CACNB2: variants seen among roughly 807,000 people sequenced by gnomAD.
The protein encoded by CACNB2 is calcium voltage-gated channel auxiliary subunit beta 2.
CACNB2 carries 42 observed loss-of-function variants against 73.3 expected under a neutral mutation model. The observed-to-expected ratio is 0.57, with a 90% CI of 0.45 to 0.74. The LOEUF (loss-of-function observed/expected upper bound fraction) is 0.74. Ranked by LOEUF, CACNB2 falls within the 30% of genes least tolerant of loss-of-function variation. The pLI, the probability that CACNB2 is intolerant of heterozygous loss-of-function variation, is 0.00. For missense variants in CACNB2, 940 were observed against 853.0 expected (o/e 1.10, Z -1.27); for synonymous variants, 348 against 310.3 (o/e 1.12, Z -1.28).
At chr10:18,353,048 T>C (rs778628804) in intron 2 of CACNB2, among the ~76,000 whole-genome samples, 10 of 152,240 alleles carry the variant, frequency 6.6e-5, no homozygotes, top group Non-Finnish European at 1.3e-4. Context: ...TAGAGAAATA[T>C]GATTGCTATA....
Position 18,442,975 on chromosome 10 carries a change from T to TATAC in CACNB2, c.333+40935_333+40936insCATA, listed in dbSNP as rs2046523340. The stretch of plus-strand genomic sequence containing the variant: ...ATATATATGTATATATATATGTGTA[T>TATAC]ATATATATATGTATATATATATGTG... On this transcript the variant is annotated intron_variant, in intron 3 of 13. Transcript: ENST00000324631. 5.4e-4 allele frequency among the ~76,000 whole-genome samples: 12 copies of TATAC among 22,204 alleles called. 2 individuals carry two copies. In the East Asian group the frequency reaches 0.032, roughly 60 times the overall value. The allele number at this position is 22,204 out of a possible 152,430, so 14.6% of individuals were successfully genotyped here.
intron 5 of CACNB2, among the ~76,000 whole-genome samples, chr10:18,505,864 T>G (rs2050462201): frequency 6.6e-6 from 1 of 152,180 alleles, no homozygotes; most frequent in Non-Finnish European, 1.5e-5. Context: ...CACGTTTCAT[T>G]CTCCACGTGA....
At chr10:18,385,143 C>T (rs2043171291) in intron 2 of CACNB2, among the ~76,000 whole-genome samples, 1 of 151,946 alleles carries the variant, frequency 6.6e-6, no homozygotes, top group Non-Finnish European at 1.5e-5. Flanking sequence ...ATTAGCTGGG[C>T]ATGGTGACGG....
intron 2 of CACNB2, among the ~76,000 whole-genome samples, chr10:18,191,689 G>A (rs2034404336): frequency 6.6e-6 from 1 of 152,174 alleles, no homozygotes; most frequent in Admixed American, 6.5e-5. Context: ...AACATACAAT[G>A]TTTGAGTTTC....
At chr10:18,438,418 T>C (rs1429319867) in intron 3 of CACNB2, among the ~76,000 whole-genome samples, 1 of 152,166 alleles carries the variant, frequency 6.6e-6, no homozygotes, top group Non-Finnish European at 1.5e-5. Context: ...GGTTGGCCAA[T>C]CACCGATTTA....
intron 9 of CACNB2, among the ~76,000 whole-genome samples, chr10:18,520,808 C>G (rs12357123): frequency 0.048 from 7,317 of 152,346 alleles, 270 homozygotes; most frequent in Non-Finnish European, 0.076. Context: ...GCTAGGAACA[C>G]TTTTCCCTCA....
chr10:18,451,836 C>G (rs2047036575), intron 3 of CACNB2, among the ~76,000 whole-genome samples: 1 of 152,146 alleles, frequency 6.6e-6, no homozygotes, highest in South Asian at 2.1e-4. Flanking sequence ...CATCTTTGAA[C>G]AGAATGCTAG....
chr10:18,489,252 T>G (rs2049264425), intron 3 of CACNB2, among the ~76,000 whole-genome samples: 1 of 151,872 alleles, frequency 6.6e-6, no homozygotes, highest in Admixed American at 6.6e-5. Flanking sequence ...TAACTGGACA[T>G]GGTGGTGGGT....
chr10:18,329,217 G>A (rs2040701467), intron 2 of CACNB2, among the ~76,000 whole-genome samples: 1 of 152,154 alleles, frequency 6.6e-6, no homozygotes, highest in South Asian at 2.1e-4. Flanking sequence ...TCTGGGCCAG[G>A]AAGGAATAGA....
chr10:18,357,260 C>T (rs1301066723), intron 2 of CACNB2, among the ~76,000 whole-genome samples: 1 of 152,116 alleles, frequency 6.6e-6, no homozygotes, highest in Non-Finnish European at 1.5e-5. Context: ...TTTCTTTTAC[C>T]TGTATTTCAG....
At chr10:18,420,192 T>A (rs1282611649) in intron 3 of CACNB2, among the ~76,000 whole-genome samples, 3 of 152,132 alleles carry the variant, frequency 2.0e-5, no homozygotes, top group African/African-American at 7.2e-5. Flanking sequence ...CCTAATACAC[T>A]GATGAATGTA....
intron 2 of CACNB2, among the ~76,000 whole-genome samples, chr10:18,293,143 G>A (rs932802728): frequency 1.3e-5 from 2 of 152,028 alleles, no homozygotes; most frequent in East Asian, 1.9e-4. Context: ...AATTAAAAGA[G>A]GTGTACCTTA....
intron 2 of CACNB2, among the ~76,000 whole-genome samples, chr10:18,170,717 C>A (rs1406918916): frequency 6.6e-6 from 1 of 152,184 alleles, no homozygotes; most frequent in African/African-American, 2.4e-5. Context: ...GACATTTGAG[C>A]AGCACTGACG....
intron 3 of CACNB2, among the ~76,000 whole-genome samples, chr10:18,442,109 G>T: frequency 6.6e-6 from 1 of 152,276 alleles, no homozygotes; most frequent in African/African-American, 2.4e-5. Context: ...GAGGTGGAAA[G>T]GATCTGTTCC....
chr10:18,197,225 G>C (rs1405299845), intron 2 of CACNB2, among the ~76,000 whole-genome samples: 2 of 152,112 alleles, frequency 1.3e-5, no homozygotes, highest in Non-Finnish European at 1.5e-5. Flanking sequence ...TGGCCCACAG[G>C]GAACACTCAG....
chr10:18,221,305 C>G (rs529406039), intron 2 of CACNB2, among the ~76,000 whole-genome samples: 3 of 152,172 alleles, frequency 2.0e-5, no homozygotes, highest in Non-Finnish European at 4.4e-5. Flanking sequence ...TTGACTGTTA[C>G]TCATACAAAC....
chr10:18,405,431 C>T (rs139199735), intron 3 of CACNB2, among the ~76,000 whole-genome samples: 89 of 152,232 alleles, frequency 5.8e-4, no homozygotes, highest in African/African-American at 1.8e-3. Flanking sequence ...AGGTATTGTG[C>T]GTAATGCTGT....
At chr10:18,450,379 C>T (rs1184533607) in intron 3 of CACNB2, among the ~76,000 whole-genome samples, 1 of 151,896 alleles carries the variant, frequency 6.6e-6, no homozygotes, top group Non-Finnish European at 1.5e-5. Flanking sequence ...TACCTGATCA[C>T]CTAAAAGCCA....
intron 3 of CACNB2, among the ~76,000 whole-genome samples, chr10:18,495,511 G>A (rs1171226312): frequency 6.6e-6 from 1 of 150,624 alleles, no homozygotes; most frequent in East Asian, 1.9e-4. Context: ...GAGCCATCAC[G>A]CCCGGCCAAA....
Sources: allele counts gnomAD v4.1 joint callset (sites outside exome capture counted in the v4.1 genomes callset), GRCh38; gene constraint gnomAD v4.1.1; transcripts MANE v1.5; gene names NCBI Gene and HGNC (gene_info 2026-07-23, HGNC 2026-07-21).